HYDIN: variants seen among roughly 807,000 people sequenced by gnomAD.
The protein encoded by HYDIN is axonemal central pair apparatus protein HYDIN.
Under a neutral mutation model 403.9 loss-of-function variants are expected in HYDIN, and 132 were observed. The observed-to-expected ratio is 0.33, with a 90% CI of 0.28 to 0.38. The LOEUF (loss-of-function observed/expected upper bound fraction) is 0.38, where lower values mean the gene tolerates loss of function less well. HYDIN is among the 10% of genes least tolerant of loss of function. The pLI is 1.00. For missense variants in HYDIN, 2,827 were observed against 5,009.5 expected (o/e 0.56, Z 13.15); for synonymous variants, 1,202 against 1,891.7 (o/e 0.64, Z 9.46).
intron 65 of HYDIN, among the ~76,000 whole-genome samples, chr16:70,870,482 G>T (rs539100440): frequency 6.6e-6 from 1 of 151,164 alleles, no homozygotes; most frequent in Non-Finnish European, 1.5e-5. Flanking sequence ...AGCCACTCTG[G>T]TCATGGCTAA....
intron 18 of HYDIN, among the ~76,000 whole-genome samples, chr16:71,039,237 A>C (rs1011410112): frequency 4.6e-5 from 7 of 152,162 alleles, no homozygotes; most frequent in Non-Finnish European, 1.0e-4. Flanking sequence ...AAGATAAAAT[A>C]AAAGGGTGCT....
intron 77 of HYDIN, 21 bp from the exon 78 acceptor site, chr16:70,835,855 G>A (rs201615411): frequency 1.6e-6 from 1 of 631,416 alleles, no homozygotes; most frequent in Non-Finnish European, 2.8e-6. Context: ...AGAAAGAGTA[G>A]GAAGAAGAGT....
chr16:71,133,083 G>A lies in HYDIN; in HGVS notation c.1044-3260C>T, dbSNP rs550831769. On this transcript the variant is annotated intron_variant, in intron 8 of 85. Coordinates refer to ENST00000393567, the MANE Select transcript of HYDIN (RefSeq NM_001270974.2). ...ACCTTTAACAGTCAATGGGGAAGAT[G>A]TGTGTCTCCAGTGCAGCAGGGTTGA... 662 of 367,582 alleles carry A rather than the reference G, an allele frequency of 1.8e-3. 6 individuals are homozygous for A. The highest frequency in any genetic ancestry group is 4.9e-3 in the Middle Eastern group (9 of 1,830). The allele number at this position is 367,582 out of a possible 1,614,324, so 22.8% of individuals were successfully genotyped here. A position where few individuals can be genotyped will look rare whatever the true frequency, so the allele number is the denominator to read the frequency against.
chr16:70,909,797 G>A lies in HYDIN; in HGVS notation c.8005-936C>T, dbSNP rs143049325. Among the ~76,000 whole-genome samples the A allele has an allele frequency of 6.3e-3, 924 of 146,094 alleles. 28 individuals carry two copies. The highest frequency in any genetic ancestry group is 0.044 in the Admixed American group (617 of 14,146). ...TGCAAGCTCCGCCTCCTGGGTTCAC[G>A]CCATTTTCCTGCCTCAGCCTCTGAA... On this transcript the variant is annotated intron_variant, in intron 47 of 85. Coordinates refer to ENST00000393567, the MANE Select transcript of HYDIN (RefSeq NM_001270974.2).
intron 1 of HYDIN, among the ~76,000 whole-genome samples, chr16:71,201,658 A>G (rs1443719894): frequency 6.6e-6 from 1 of 152,242 alleles, no homozygotes; most frequent in African/African-American, 2.4e-5. Context: ...TTTGAGCCTG[A>G]AGCTGCTGGC....
At chr16:70,936,759 T>C (rs2077504993) in intron 44 of HYDIN, among the ~76,000 whole-genome samples, 1 of 148,342 alleles carries the variant, frequency 6.7e-6, no homozygotes, top group East Asian at 2.0e-4. Context: ...CTCGAACTCA[T>C]GACCTCAGGT....
In HYDIN at chr16:71,137,305, T is replaced by C. The variant is rs200358964; in HGVS notation, c.889A>G (p.Ile297Val). ...SLYGAAIDMN[I>V]RLDKNSLTIE... ...GTCAAGGAATTCTTATCCAGCCTTA[T>C]ATTCATGTCTATGGCAGCTCCATAG... Residue 297 changes from isoleucine (I) to valine (V), a missense_variant, in exon 8 of 86, where the codon ATA becomes GTA. Coordinates refer to ENST00000393567, the MANE Select transcript of HYDIN (RefSeq NM_001270974.2). 4.6e-6 allele frequency: 3 copies of C among 653,246 alleles called. No homozygotes were observed. Among genetic ancestry groups the C allele is most frequent in the Admixed American group, 2.6e-5 (1 of 38,916 alleles). The allele number at this position is 653,246 out of a possible 1,614,324, so 40.5% of individuals were successfully genotyped here.
chr16:71,078,363 G>A (rs370392754), intron 13 of HYDIN, among the ~76,000 whole-genome samples: 1 of 152,030 alleles, frequency 6.6e-6, no homozygotes, highest in African/African-American at 2.4e-5. Context: ...TTTTAATAAC[G>A]TATGTTTTCC....
intron 40 of HYDIN, among the ~76,000 whole-genome samples, chr16:70,954,729 A>T (rs553874815): frequency 3.9e-5 from 6 of 152,186 alleles, no homozygotes; most frequent in Non-Finnish European, 8.8e-5. Context: ...TTTACATGAT[A>T]GTCAAGGGCT....
chr16:70,999,060 G>A (rs1004330), intron 23 of HYDIN, among the ~76,000 whole-genome samples: 47,601 of 151,860 alleles, frequency 0.31, 8,790 homozygotes, highest in African/African-American at 0.5. Flanking sequence ...ACGAGAGATC[G>A]CTGAGAGGCT....
At chr16:70,835,026 G>A (rs373273321) in intron 78 of HYDIN, among the ~76,000 whole-genome samples, 34 of 106,900 alleles carry the variant, frequency 3.2e-4, no homozygotes, top group East Asian at 2.2e-3. Flanking sequence ...ATATATATAT[G>A]TTTTTTTTTT....
At chr16:71,227,846 T>A (rs534014627) in intron 1 of HYDIN, among the ~76,000 whole-genome samples, 24 of 152,320 alleles carry the variant, frequency 1.6e-4, no homozygotes, top group African/African-American at 5.8e-4. Context: ...AGAGCCTGCA[T>A]TGCCAAGACA....
At position 70,832,945 on chromosome 16, in the gene HYDIN, T is replaced by C; in HGVS notation, c.13802A>G (p.Glu4601Gly). The part of the protein sequence containing the change: ...VTYHPTEVGK[E>G]SLCKNILCYI... ...GCAGAGAATGTTTTTACAAAGGCTC[T>C]CCTTTCCCACCTCGGTGGGATGGTA... The change falls in exon 80 of 86, where the codon GAG (glutamate) becomes GGG (glycine). Residue 4601 changes from glutamate to glycine, a missense_variant. Transcript: ENST00000393567. 1 of 1,614,114 alleles carries C rather than the reference T, an allele frequency of 6.2e-7. No individual in the cohort carries two copies. Among genetic ancestry groups the C allele is most frequent in the Non-Finnish European group, 8.5e-7 (1 of 1,179,962 alleles).
intron 37 of HYDIN, among the ~76,000 whole-genome samples, chr16:70,963,205 T>C (rs2078472603): frequency 6.6e-6 from 1 of 152,076 alleles, no homozygotes; most frequent in Admixed American, 6.5e-5. Flanking sequence ...TTTCTGATTT[T>C]TTTTTCCCCG....
intron 12 of HYDIN, among the ~76,000 whole-genome samples, chr16:71,086,736 G>T (rs933635141): frequency 3.3e-5 from 5 of 152,212 alleles, no homozygotes; most frequent in African/African-American, 1.2e-4. Context: ...GCTTCCAAGA[G>T]TTGATCTGCT....
chr16:70,802,336 C>T lies in HYDIN; in HGVS notation c.*5244G>A, dbSNP rs570946828. The T allele has an allele frequency of 2.7e-4, 41 of 152,194 alleles. No homozygotes were observed. Among genetic ancestry groups the T allele is most frequent in the South Asian group, 1.5e-3 (7 of 4,812 alleles). 9.4% of individuals were successfully genotyped at this position (152,194 alleles called of 1,614,324 possible). A position where few individuals can be genotyped will look rare whatever the true frequency, so the allele number is the denominator to read the frequency against. On this transcript the variant is annotated 3_prime_UTR_variant, in exon 86 of 86. Transcript: ENST00000393567. ...CTCACATGATTATATTATGTAATAT[C>T]GCAGAAGAGATTTTGCAGATGTAAT... is the stretch of plus-strand genomic sequence containing the variant.
chr16:70,866,791 G>C (rs540547479), intron 66 of HYDIN, among the ~76,000 whole-genome samples: 1 of 152,046 alleles, frequency 6.6e-6, no homozygotes, highest in Non-Finnish European at 1.5e-5. Context: ...TTGGGAGACC[G>C]AGGTGGGTGG....
In HYDIN at chr16:71,020,321, C is replaced by T; in HGVS notation, c.3187-4G>A. 6.2e-7 allele frequency: 1 copy of T among 1,608,756 alleles called. No individual in the cohort carries two copies. ...GTTTCAGGATACTGTTAGGTTTCTG[C>T]AAAAACAGAAAAAGAGGAAACAAAT... On this transcript the variant is annotated splice_polypyrimidine_tract_variant and splice_region_variant and intron_variant, in intron 21 of 85. Coordinates refer to ENST00000393567, the MANE Select transcript of HYDIN (RefSeq NM_001270974.2).
At position 70,862,218 on chromosome 16, in the gene HYDIN, C is replaced by T. The variant is rs1224154540; in HGVS notation, c.11607G>A (p.Met3869Ile). The T allele has an allele frequency of 6.2e-7, 1 of 1,613,630 alleles. No homozygotes were observed. The highest frequency in any genetic ancestry group is 1.1e-5 in the South Asian group (1 of 91,018). ...TGCTGTCCAGGGTGCTGCCTGTATG[C>T]ATCGTGCCCTGACTAAGCTGATCTT... is the stretch of plus-strand genomic sequence containing the variant. ...AQKDQLSQGT[M>I]HTGSTLDSTM... is the part of the protein sequence containing the mutation. The change falls in exon 69 of 86, where the codon ATG (methionine) becomes ATA (isoleucine). Residue 3869 changes from methionine to isoleucine, a missense_variant. Transcript: ENST00000393567.
Sources: allele counts gnomAD v4.1 joint callset (sites outside exome capture counted in the v4.1 genomes callset), GRCh38; gene constraint gnomAD v4.1.1; transcripts MANE v1.5; gene names NCBI Gene and HGNC (gene_info 2026-07-23, HGNC 2026-07-21).